The following HEATR3 variants were observed in gnomAD, a reference collection of about 807,000 sequenced individuals.
The protein encoded by HEATR3 is HEAT repeat containing 3.
In HEATR3, 56 loss-of-function variants were observed where a neutral mutation model predicts 72.8. The observed-to-expected ratio is 0.77, with a 90% CI of 0.62 to 0.96. HEATR3 has a LOEUF of 0.96. HEATR3 is among the 40% of genes least tolerant of loss of function. The pLI is 0.00. For missense variants in HEATR3, 747 were observed against 831.4 expected (o/e 0.90, Z 1.25); for synonymous variants, 331 against 318.1 (o/e 1.04, Z -0.43).
chr16:50,089,868 T>C (rs1418182625), intron 11 of HEATR3, among the ~76,000 whole-genome samples: 1 of 152,046 alleles, frequency 6.6e-6, no homozygotes, highest in Non-Finnish European at 1.5e-5. Flanking sequence ...GGTTTCACCA[T>C]GTTGGTCAGG....
In HEATR3 at chr16:50,100,271, C is replaced by T; in HGVS notation, c.1641C>T (p.Gly547=). The change falls in exon 13 of 15, where the codon GGC becomes GGT. Residue 547 remains glycine (G), a synonymous_variant. Transcript: ENST00000299192. ...PDQLMTLCKA[G]IHSSNVGVRV... ...AGCTGATGACATTATGCAAAGCAGG[C>T]ATTCATAGTAGTAATGTCGGGGTTA... is the stretch of plus-strand genomic sequence containing the variant. The T allele has an allele frequency of 6.2e-7, 1 of 1,613,818 alleles. No homozygotes were observed. Among genetic ancestry groups the T allele is most frequent in the Non-Finnish European group, 8.5e-7 (1 of 1,179,780 alleles).
Position 50,066,498 on chromosome 16 carries a change from C to T in HEATR3, c.270C>T (p.Asp90=). The T allele has an allele frequency of 5.3e-6, 7 of 1,326,526 alleles. No homozygotes were observed. The highest frequency in any genetic ancestry group is 2.1e-5 in the South Asian group (1 of 48,070). The allele number at this position is 1,326,526 out of a possible 1,614,324, so 82.2% of individuals were successfully genotyped here. A position where few individuals can be genotyped will look rare whatever the true frequency, so the allele number is the denominator to read the frequency against. The change falls in exon 2 of 15, where the codon GAC becomes GAT. Residue 90 remains aspartate (D), a synonymous_variant. Coordinates refer to ENST00000299192, the MANE Select transcript of HEATR3 (RefSeq NM_182922.4). ...AVRRLGPLLL[D]PSLAVRETAA... is the part of the protein sequence containing the mutation. ...GCCGCCTCGGGCCGCTGCTGCTAGA[C>T]CCCAGCCTGGCCGTCAGGGAGACTG...
rs376406678 is a variant in HEATR3, at chr16:50,066,145, G to A, written c.14G>A (p.Arg5Gln). 58 of 1,596,852 alleles carry A rather than the reference G, an allele frequency of 3.6e-5. No homozygotes were observed. The highest frequency in any genetic ancestry group is 4.7e-5 in the Non-Finnish European group (55 of 1,173,328). Residue 5 changes from arginine (R) to glutamine (Q), a missense_variant, in exon 1 of 15, where the codon CGG becomes CAG. Arg to Gln is a conservative substitution (Grantham distance 43, BLOSUM62 1). Transcript: ENST00000299192. MGKS[R>Q]TKRFKRPQFS... Reference sequence around the variant, plus strand: ...GCGCACGTCACCATGGGCAAGAGCCGGACGAAGCGCTTCAAGCGACCTCAG... The same window carrying A: ...GCGCACGTCACCATGGGCAAGAGCCAGACGAAGCGCTTCAAGCGACCTCAG...
chr16:50,098,551 G>C (rs900235434), intron 12 of HEATR3, among the ~76,000 whole-genome samples: 4 of 152,090 alleles, frequency 2.6e-5, no homozygotes, highest in African/African-American at 9.7e-5. Flanking sequence ...GGCTACTCAG[G>C]AGACTGAGGC....
At chr16:50,079,100 A>G in intron 7 of HEATR3, 82 bp downstream of exon 7, 2 of 1,381,848 alleles carry the variant, frequency 1.4e-6, no homozygotes, top group Admixed American at 2.3e-5. Context: ...TTGCAGAAAA[A>G]TGTTATAGCA....
chr16:50,096,689 C>G (rs2037246240), intron 12 of HEATR3, among the ~76,000 whole-genome samples: 1 of 152,148 alleles, frequency 6.6e-6, no homozygotes, highest in Non-Finnish European at 1.5e-5. Flanking sequence ...ATCCCAGCTA[C>G]TTGGAAGGCT....
In HEATR3 at chr16:50,106,907, A is replaced by G. The variant is rs2037497960; in HGVS notation, c.*1846A>G. On this transcript the variant is annotated 3_prime_UTR_variant, in exon 15 of 15. Transcript: ENST00000299192. ...CCCATGGCACCAAGTAAAATAACCC[A>G]AATTGTGTATATGGTGGGAAAACAG... is the stretch of plus-strand genomic sequence containing the variant. Among the ~76,000 whole-genome samples the G allele has an allele frequency of 6.6e-6, 1 of 152,304 alleles. No individual in the cohort carries two copies. The highest frequency in any genetic ancestry group is 2.1e-4 in the South Asian group (1 of 4,822).
intron 14 of HEATR3, among the ~76,000 whole-genome samples, chr16:50,102,696 A>G (rs888274683): frequency 2.0e-5 from 3 of 152,206 alleles, no homozygotes; most frequent in Non-Finnish European, 4.4e-5. Context: ...AATGCTTCAT[A>G]TATGTCAGTA....
At chr16:50,097,808 G>C (rs1407013946) in intron 12 of HEATR3, among the ~76,000 whole-genome samples, 1 of 151,910 alleles carries the variant, frequency 6.6e-6, no homozygotes, top group Admixed American at 6.6e-5. Context: ...CCAGCTACTT[G>C]GGAGGCTGAG....
chr16:50,090,419 T>C (rs189393848), intron 11 of HEATR3, among the ~76,000 whole-genome samples: 8 of 152,320 alleles, frequency 5.3e-5, no homozygotes. Context: ...TTTTGTGTTA[T>C]GGTTGAGAGT....
Position 50,066,222 on chromosome 16 carries a change from A to C in HEATR3, c.91A>C (p.Thr31Pro), listed in dbSNP as rs1357485855. The change falls in exon 1 of 15, where the codon ACC (threonine) becomes CCC (proline). Residue 31 changes from threonine to proline, a missense_variant. Around this residue, in one of 2 missense-constraint regions of HEATR3, gnomAD observed 161 missense variants for 122.6 expected, o/e 1.31. Transcript: ENST00000299192. ...QAEAAAAANG[T>P]GGEEDDGPAA... ...CGAGGCGGCTGCGGCGGCGAATGGG[A>C]CCGGAGGCGAGGAGGACGACGGGCC... 6.3e-7 allele frequency: 1 copy of C among 1,574,814 alleles called. No homozygotes were observed. The highest frequency in any genetic ancestry group is 1.2e-5 in the South Asian group (1 of 86,456).
intron 14 of HEATR3, among the ~76,000 whole-genome samples, chr16:50,104,157 C>G (rs1346681128): frequency 6.6e-6 from 1 of 152,124 alleles, no homozygotes; most frequent in Non-Finnish European, 1.5e-5. Context: ...CAAGACCAGC[C>G]TGGGCAACAT....
At chr16:50,082,575 C>G (rs1268340465) in intron 7 of HEATR3, among the ~76,000 whole-genome samples, 1 of 139,300 alleles carries the variant, frequency 7.2e-6, no homozygotes, top group Non-Finnish European at 1.6e-5. Context: ...TAGCAATTTG[C>G]TTTTTTTTTT....
chr16:50,072,197 G>A (rs900440072), intron 4 of HEATR3, among the ~76,000 whole-genome samples: 2 of 152,062 alleles, frequency 1.3e-5, no homozygotes, highest in Admixed American at 1.3e-4. Flanking sequence ...CAGTAGCCTG[G>A]ACCCAGGGAA....
chr16:50,102,129 C>T (rs988997962), intron 13 of HEATR3, 130 bp from the exon 14 acceptor site: 1 of 659,368 alleles, frequency 1.5e-6, no homozygotes, highest in Non-Finnish European at 2.6e-6. Flanking sequence ...TAAGTCTAAT[C>T]TCTTGAAGTT....
At position 50,084,243 on chromosome 16, in the gene HEATR3, C is replaced by G; in HGVS notation, c.1242C>G (p.Leu414=). Residue 414 remains leucine, a synonymous_variant, in exon 9 of 15, where the codon CTC becomes CTG. Coordinates refer to ENST00000299192, the MANE Select transcript of HEATR3 (RefSeq NM_182922.4). ...GACAGCTGTTTTCTCCCCTCTGCCTCTCCCATGAAGTTCACACGGCTCTCA... is the reference window on the plus strand; with the variant it reads ...GACAGCTGTTTTCTCCCCTCTGCCTGTCCCATGAAGTTCACACGGCTCTCA... ...CGGQLFSPLC[L]SHEVHTALTN... 1.2e-6 allele frequency: 2 copies of G among 1,614,190 alleles called. No homozygotes were observed. The highest frequency in any genetic ancestry group is 1.7e-6 in the Non-Finnish European group (2 of 1,180,018).
chr16:50,104,796 C>T (rs2037445252), intron 14 of HEATR3, 143 bp from the exon 15 acceptor site: 2 of 617,264 alleles, frequency 3.2e-6, no homozygotes. Context: ...TTCCATTTAC[C>T]TTGGAAGTAA....
intron 11 of HEATR3, among the ~76,000 whole-genome samples, chr16:50,089,196 C>A (rs2037053656): frequency 6.6e-6 from 1 of 152,016 alleles, no homozygotes; most frequent in Non-Finnish European, 1.5e-5. Flanking sequence ...ATTCCCATTT[C>A]ATGTCTATTC....
chr16:50,066,469 G>T lies in HEATR3; in HGVS notation c.241G>T (p.Val81Leu). The change falls in exon 2 of 15, where the codon GTG (valine) becomes TTG (leucine). Residue 81 changes from valine (V) to leucine (L), a missense_variant. By Grantham distance (32) the Val-to-Leu change is conservative. Coordinates refer to ENST00000299192, the MANE Select transcript of HEATR3 (RefSeq NM_182922.4). ...CCCGGGCCTGGCGCGACGAGACGCC[G>T]TGCGCCGCCTCGGGCCGCTGCTGCT... ...ALPGLARRDA[V>L]RRLGPLLLDP... is the part of the protein sequence containing the mutation. The T allele has an allele frequency of 7.4e-7, 1 of 1,355,584 alleles. No homozygotes were observed. The allele number at this position is 1,355,584 out of a possible 1,614,324, so 84.0% of individuals were successfully genotyped here.
Sources: allele counts gnomAD v4.1 joint callset (sites outside exome capture counted in the v4.1 genomes callset), GRCh38; gene constraint gnomAD v4.1.1; regional missense constraint gnomAD v4.1.1; transcripts MANE v1.5; gene names NCBI Gene and HGNC (gene_info 2026-07-23, HGNC 2026-07-21).